SMARCA2: variants seen among roughly 807,000 people sequenced by gnomAD.
The protein encoded by SMARCA2 is SWI/SNF related BAF chromatin remodeling complex subunit ATPase 2.
SMARCA2 carries 61 observed loss-of-function variants against 199.8 expected under a neutral mutation model. The observed-to-expected ratio is 0.31, with a 90% CI of 0.25 to 0.38. The LOEUF (loss-of-function observed/expected upper bound fraction) is 0.38. Among genes scored for constraint, SMARCA2 ranks in the 10% least tolerant of loss-of-function variants. The pLI is 1.00. For synonymous variants in SMARCA2, 935 were observed against 732.0 expected, an observed-to-expected ratio of 1.28 and a Z score of -4.48; for missense variants, 1,344 against 2,012.2, an observed-to-expected ratio of 0.67 and a Z score of 6.35.
At chr9:2,122,610 A>G (rs906444629) in intron 26 of SMARCA2, among the ~76,000 whole-genome samples, 2 of 152,262 alleles carry the variant, frequency 1.3e-5, no homozygotes, top group African/African-American at 4.8e-5. Flanking sequence ...TGGAAGAAGT[A>G]TAAAGAGCTT....
intron 33 of SMARCA2, chr9:2,191,794 A>T (rs1827904501): frequency 1.3e-5 from 2 of 158,936 alleles, no homozygotes; most frequent in African/African-American, 4.8e-5. Context: ...AAAAACTGTT[A>T]TGACGTCAGA....
intron 9 of SMARCA2, among the ~76,000 whole-genome samples, chr9:2,063,026 A>T (rs1820672570): frequency 6.6e-6 from 1 of 152,154 alleles, no homozygotes; most frequent in African/African-American, 2.4e-5. Flanking sequence ...CCCATTGATT[A>T]TCTCACATGA....
intron 1 of SMARCA2, among the ~76,000 whole-genome samples, chr9:2,020,363 T>A (rs923824952): frequency 6.6e-6 from 1 of 152,154 alleles, no homozygotes; most frequent in African/African-American, 2.4e-5. Flanking sequence ...GACTCTAACC[T>A]TTAGCCGGTT....
intron 21 of SMARCA2, among the ~76,000 whole-genome samples, chr9:2,101,010 G>C (rs897809045): frequency 1.3e-5 from 2 of 152,030 alleles, no homozygotes; most frequent in African/African-American, 4.8e-5. Context: ...ACGAGATCTC[G>C]TGAGACTTAT....
rs186851884 is a variant in SMARCA2, at chr9:2,180,543, T to C, written c.4254-1028T>C. Among the ~76,000 whole-genome samples the C allele has an allele frequency of 1.5e-3, 222 of 152,312 alleles. 1 individual carries two copies. Among genetic ancestry groups the C allele is most frequent in the Middle Eastern group, 3.4e-3 (1 of 294 alleles). ...CTGAAATTTTTATGGCAGTGATTTA[T>C]GATTAATTTTTGATATTTCTGGCTT... On this transcript the variant is annotated intron_variant, in intron 29 of 33. Coordinates refer to ENST00000349721, the MANE Select transcript of SMARCA2 (RefSeq NM_003070.5).
chr9:2,048,592 A>T (rs753530070), intron 5 of SMARCA2, among the ~76,000 whole-genome samples: 1 of 152,256 alleles, frequency 6.6e-6, no homozygotes, highest in Non-Finnish European at 1.5e-5. Flanking sequence ...ATTTCTTATC[A>T]GACTAAAATA....
chr9:2,111,098 T>A (rs1255169321), intron 24 of SMARCA2, among the ~76,000 whole-genome samples: 2 of 151,582 alleles, frequency 1.3e-5, no homozygotes, highest in African/African-American at 4.9e-5. Context: ...TTTTCTAAGT[T>A]ACTCTGGGAG....
At chr9:2,040,512 A>C (rs1483607460) in intron 4 of SMARCA2, 1 of 153,332 alleles carries the variant, frequency 6.5e-6, no homozygotes, top group Non-Finnish European at 1.5e-5. Flanking sequence ...ATCAGAGCCA[A>C]AAGGAGACAA....
In SMARCA2 at chr9:2,076,298, G is replaced by A. The variant is rs1821319881; in HGVS notation, c.2005G>A (p.Val669Ile). 3 of 1,610,808 alleles carry A rather than the reference G, an allele frequency of 1.9e-6. No homozygotes were observed. The highest frequency in any genetic ancestry group is 1.3e-5 in the African/African-American group (1 of 74,870). The change falls in exon 13 of 34, where the codon GTT (valine) becomes ATT (isoleucine). Residue 669 changes from valine (V) to isoleucine (I), a missense_variant. Physicochemically the swap from Val to Ile is conservative, Grantham distance 29 (BLOSUM62 3). Around this residue, in one of 18 missense-constraint regions of SMARCA2, gnomAD observed 106 missense variants for 179.7 expected, o/e 0.59. Coordinates refer to ENST00000349721, the MANE Select transcript of SMARCA2 (RefSeq NM_003070.5). ...KILLDPNSEE[V>I]SEKDAKQIIE... ...ACTCCTGGATCCAAATAGCGAAGAA[G>A]TTTCTGAGAAGGATGCTAAGCAGAT...
chr9:2,062,047 C>G (rs901649444), intron 9 of SMARCA2, among the ~76,000 whole-genome samples: 2 of 152,030 alleles, frequency 1.3e-5, no homozygotes, highest in Admixed American at 6.6e-5. Context: ...AACTCCAGCT[C>G]CAATTCCTAC....
chr9:2,144,331 G>T (rs891959465), intron 27 of SMARCA2, among the ~76,000 whole-genome samples: 5 of 152,108 alleles, frequency 3.3e-5, no homozygotes, highest in African/African-American at 1.2e-4. Flanking sequence ...AACTTTCTTG[G>T]CCAGATGAGG....
At chr9:2,124,506 A>T (rs557563446) in intron 27 of SMARCA2, among the ~76,000 whole-genome samples, 16 of 152,308 alleles carry the variant, frequency 1.1e-4, no homozygotes, top group African/African-American at 3.6e-4. Context: ...CAGAGAGGTG[A>T]CATGGCTATG....
rs762145223 is a variant in SMARCA2, at chr9:2,182,166, G to A, written c.4385G>A (p.Arg1462Gln). Residue 1462 changes from arginine (R) to glutamine (Q), a missense_variant, in exon 31 of 34, where the codon CGG becomes CAG. Physicochemically the swap from Arg to Gln is conservative, Grantham distance 43. Around this residue, in one of 18 missense-constraint regions of SMARCA2, gnomAD observed 151 missense variants for 154.0 expected, o/e 0.98. Coordinates refer to ENST00000349721, the MANE Select transcript of SMARCA2 (RefSeq NM_003070.5). ...IKERIRNHKYRSLGDLEKDVM... is the reference protein window; with the variant it reads ...IKERIRNHKYQSLGDLEKDVM... The stretch of plus-strand genomic sequence containing the variant: ...GAAAGGATTCGTAATCATAAGTACC[G>A]GAGCCTAGGCGACCTGGAGAAGGAT... The A allele has an allele frequency of 1.9e-6, 3 of 1,612,272 alleles. No homozygotes were observed. Among genetic ancestry groups the A allele is most frequent in the Non-Finnish European group, 2.5e-6 (3 of 1,178,492 alleles).
chr9:2,063,740 A>ATT (rs78255618), intron 9 of SMARCA2, among the ~76,000 whole-genome samples: 23,070 of 149,016 alleles, frequency 0.15, 1,917 homozygotes, highest in East Asian at 0.28. Context: ...CTAGTGTACA[A>ATT]TTTTTTTTTT....
At chr9:2,028,629 T>C (rs1199194945) in intron 1 of SMARCA2, among the ~76,000 whole-genome samples, 1 of 152,212 alleles carries the variant, frequency 6.6e-6, no homozygotes, top group Non-Finnish European at 1.5e-5. Context: ...TCTTGTAAGG[T>C]GTCCAAGGTA....
chr9:2,070,964 A>G, intron 10 of SMARCA2, among the ~76,000 whole-genome samples: 1 of 152,218 alleles, frequency 6.6e-6, no homozygotes, highest in East Asian at 1.9e-4. Flanking sequence ...GCCTAGTCCT[A>G]AAATTCATTT....
intron 13 of SMARCA2, 77 bp downstream of exon 13, chr9:2,076,406 T>C (rs1023043981): frequency 1.0e-6 from 1 of 962,358 alleles, no homozygotes. Context: ...GGAAATTTTG[T>C]TCAAGGAAGG....
At chr9:2,085,860 A>G (rs1312223203) in intron 17 of SMARCA2, 1 of 152,198 alleles carries the variant, frequency 6.6e-6, no homozygotes, top group African/African-American at 2.4e-5. Flanking sequence ...ACTGTTTTGT[A>G]GAGAATGGAT....
intron 27 of SMARCA2, among the ~76,000 whole-genome samples, chr9:2,141,129 C>G (rs536588734): frequency 5.3e-5 from 8 of 151,056 alleles, no homozygotes; most frequent in African/African-American, 2.0e-4. Flanking sequence ...AATTCTTAAT[C>G]CAAATTTATT....
Sources: gnomAD v4.1 joint callset for allele counts (sites outside exome capture counted in the v4.1 genomes callset) on GRCh38, gnomAD v4.1.1 for gene constraint, gnomAD v4.1.1 regional missense constraint, MANE v1.5 for transcripts, NCBI Gene and HGNC (gene_info 2026-07-23, HGNC 2026-07-21) for gene names.